Variants in TVP23A observed in about 807,000 individuals in gnomAD.
The protein encoded by TVP23A is Golgi apparatus membrane protein TVP23 homolog A.
TVP23A carries 21 observed loss-of-function variants against 31.7 expected under a neutral mutation model. The observed-to-expected ratio is 0.66, with a 90% CI of 0.47 to 0.95. The LOEUF is 0.95. Among genes scored for constraint, TVP23A ranks in the 40% least tolerant of loss-of-function variants. The probability of loss-of-function intolerance (pLI) is 0.00; values close to 1 mark genes in which losing one functional copy is unlikely to be tolerated. For synonymous variants in TVP23A, 104 were observed against 96.0 expected, an observed-to-expected ratio of 1.08 and a Z score of -0.49; for missense variants, 279 against 255.6, an observed-to-expected ratio of 1.09 and a Z score of -0.62.
intron 2 of TVP23A, among the ~76,000 whole-genome samples, chr16:10,815,347 G>A (rs2034391029): frequency 6.6e-6 from 1 of 152,218 alleles, no homozygotes; most frequent in Non-Finnish European, 1.5e-5. Context: ...AAGAGGCAGA[G>A]GTTGTAGTGA....
exon 9 of TVP23A, chr16:10,761,273 A>G: frequency 8.6e-7 from 1 of 1,164,822 alleles, no homozygotes; most frequent in Non-Finnish European, 1.3e-6. Flanking sequence ...ATGATCGCAG[A>G]TCCACTGCAT....
At chr16:10,798,371 C>T (rs1256553152) in intron 2 of TVP23A, among the ~76,000 whole-genome samples, 1 of 152,024 alleles carries the variant, frequency 6.6e-6, no homozygotes, top group Non-Finnish European at 1.5e-5. Context: ...GGCCTATTTC[C>T]TCACCTGCAA....
At chr16:10,770,083 C>T (rs558448419) in intron 7 of TVP23A, among the ~76,000 whole-genome samples, 189 bp downstream of exon 7, 2 of 152,364 alleles carry the variant, frequency 1.3e-5, no homozygotes, top group African/African-American at 2.4e-5. Context: ...CAGCTCCTCA[C>T]GCCAAGAGCA....
intron 2 of TVP23A, among the ~76,000 whole-genome samples, chr16:10,803,229 A>G (rs2033784909): frequency 7.6e-6 from 1 of 132,304 alleles, no homozygotes; most frequent in Non-Finnish European, 1.5e-5. Flanking sequence ...GGTTGCAGTG[A>G]GCCGAGATCG....
At chr16:10,764,178 G>A (rs111710241), downstream of TVP23A, among the ~76,000 whole-genome samples, 489 of 152,110 alleles carry the variant, frequency 3.2e-3, 1 homozygote, top group Non-Finnish European at 5.4e-3. Context: ...CTCAGCCCAC[G>A]GGAGCATCCC....
At chr16:10,795,607 G>A (rs895647579) in intron 2 of TVP23A, among the ~76,000 whole-genome samples, 3 of 152,068 alleles carry the variant, frequency 2.0e-5, no homozygotes, top group African/African-American at 7.2e-5. Context: ...GCAGGGGACC[G>A]AACTCATTAC....
rs1259933143 is a variant in TVP23A, at chr16:10,799,000, C to T, written c.89+19103G>A. On this transcript the variant is annotated intron_variant, in intron 2 of 7. Transcript: ENST00000299866. ...TCTTGATCACTCTCTCCCTCATTCT[C>T]CCTAGGGCAAGCCAGCTGCCATGTT... is the stretch of plus-strand genomic sequence containing the variant. 5.3e-5 allele frequency among the ~76,000 whole-genome samples: 8 copies of T among 152,202 alleles called. No homozygotes were observed. In the South Asian group the frequency reaches 6.2e-4, roughly 12 times the overall value.
intron 2 of TVP23A, among the ~76,000 whole-genome samples, chr16:10,800,033 G>A (rs1390374570): frequency 1.1e-4 from 9 of 82,598 alleles, no homozygotes; most frequent in Non-Finnish European, 1.5e-4. Flanking sequence ...TTTTTTTTTC[G>A]CACTGGCAGT....
Position 10,818,432 on chromosome 16 carries a change from C to A in TVP23A, c.9+53G>T, listed in dbSNP as rs2034539539. ...CCTCCCGGCTTCTCCAGCGCTCCCG[C>A]AGGCTCCCCTCGTCCCGCCCCGCCT... On this transcript the variant is annotated intron_variant, in intron 1 of 7. Transcript: ENST00000299866. The surrounding 1 kb of genome is among the most constrained non-coding windows in gnomAD (Gnocchi z 4.7). 1 of 1,589,924 alleles carries A rather than the reference C, an allele frequency of 6.3e-7. No homozygotes were observed. Among genetic ancestry groups the A allele is most frequent in the Non-Finnish European group, 8.5e-7 (1 of 1,172,556 alleles).
Position 10,773,351 on chromosome 16 carries a change from A to G in TVP23A, c.415T>C (p.Phe139Leu). Reference sequence around the variant, plus strand: ...TTCAAGGAAAATAAGGTGCTAAAAAAAAACACAATCCATATCATGGGGCAG... The same window carrying G: ...TTCAAGGAAAATAAGGTGCTAAAAAGAAACACAATCCATATCATGGGGCAG... ...IICPMIWIVF[F>L]FSTLFSLKLK... The change falls in exon 5 of 8, where the codon TTT becomes CTT. Residue 139 changes from phenylalanine (F) to leucine (L), a missense_variant. Physicochemically the swap from Phe to Leu is conservative, Grantham distance 22. Transcript: ENST00000299866. 1.2e-6 allele frequency: 2 copies of G among 1,610,360 alleles called. No homozygotes were observed. Among genetic ancestry groups the G allele is most frequent in the Non-Finnish European group, 8.5e-7 (1 of 1,179,114 alleles).
intron 2 of TVP23A, 89 bp from the exon 3 acceptor site, chr16:10,775,185 T>G: frequency 6.6e-7 from 1 of 1,504,566 alleles, no homozygotes; most frequent in Non-Finnish European, 8.9e-7. Flanking sequence ...TTGCTGGGGG[T>G]GTTAGCGTGG....
intron 2 of TVP23A, among the ~76,000 whole-genome samples, chr16:10,784,102 AG>A (rs759724318): frequency 6.6e-6 from 1 of 151,994 alleles, no homozygotes; most frequent in Non-Finnish European, 1.5e-5. Context: ...TGGGAGGCCT[AG>A]GGGGCAGATA....
intron 2 of TVP23A, among the ~76,000 whole-genome samples, chr16:10,794,008 G>A (rs747924192): frequency 6.6e-6 from 1 of 151,440 alleles, no homozygotes; most frequent in Non-Finnish European, 1.5e-5. Flanking sequence ...GTGAGGGTCC[G>A]GTCTCTGCTC....
intron 2 of TVP23A, among the ~76,000 whole-genome samples, chr16:10,789,836 A>C (rs1461416220): frequency 6.6e-6 from 1 of 151,796 alleles, no homozygotes; most frequent in African/African-American, 2.4e-5. Flanking sequence ...GTCTCAAAAA[A>C]AAAAAAAAAA....
chr16:10,771,629 C>A (rs1228545319), intron 6 of TVP23A, 41 bp downstream of exon 6: 1 of 1,610,016 alleles, frequency 6.2e-7, no homozygotes, highest in Non-Finnish European at 8.5e-7. Flanking sequence ...CTTTGACTAC[C>A]TGGAGAGGAG....
Position 10,766,870 on chromosome 16 carries a change from G to A in TVP23A, c.*2232C>T. The A allele has an allele frequency of 5.0e-6, 2 of 398,488 alleles. No homozygotes were observed. The highest frequency in any genetic ancestry group is 4.4e-6 in the Non-Finnish European group (1 of 226,076). 24.7% of individuals were successfully genotyped at this position (398,488 alleles called of 1,614,324 possible). A position where few individuals can be genotyped will look rare whatever the true frequency, so the allele number is the denominator to read the frequency against. ...AAGTCATTTACGGCATACGTCCTAT[G>A]GAGAGGACATTTCCTGTTATGGCTC... On this transcript the variant is annotated 3_prime_UTR_variant, in exon 8 of 8. Transcript: ENST00000299866. This position sits in a 1 kb window ranked among gnomAD's most constrained non-coding sequence, Gnocchi z 4.8.
At chr16:10,758,656 G>T (rs139748505), downstream of TVP23A, among the ~76,000 whole-genome samples, 1 of 152,244 alleles carries the variant, frequency 6.6e-6, no homozygotes, top group African/African-American at 2.4e-5. Flanking sequence ...GTGCTGCCTG[G>T]CCCCGTCAGC....
downstream of TVP23A, chr16:10,762,151 C>A: frequency 3.7e-6 from 1 of 268,432 alleles, no homozygotes; most frequent in South Asian, 9.5e-5. Context: ...GGAGGGCACC[C>A]GATAGAGGGG....
At chr16:10,787,241 A>C (rs2032816469) in intron 2 of TVP23A, among the ~76,000 whole-genome samples, 1 of 151,848 alleles carries the variant, frequency 6.6e-6, no homozygotes, top group African/African-American at 2.4e-5. Flanking sequence ...TTAGGCAGAT[A>C]GTGAGGATAT....
Sources: allele counts gnomAD v4.1 joint callset (sites outside exome capture counted in the v4.1 genomes callset), GRCh38; gene constraint gnomAD v4.1.1; non-coding constraint Gnocchi (gnomAD v3.1); transcripts MANE v1.5; gene names NCBI Gene and HGNC (gene_info 2026-07-23, HGNC 2026-07-21).